The following MAGI3 variants were observed in gnomAD, a reference collection of about 807,000 sequenced individuals.
MAGI3 encodes membrane associated guanylate kinase, WW and PDZ domain containing 3.
A neutral mutation model predicts 121.8 loss-of-function variants in MAGI3; 43 were observed. That is an observed-to-expected ratio of 0.35 (90% confidence interval 0.28 to 0.46). The LOEUF is 0.46. MAGI3 is among the 20% of genes least tolerant of loss of function. MAGI3 has a pLI of 1.00. For synonymous variants in MAGI3, 553 were observed against 639.3 expected, an observed-to-expected ratio of 0.86 and a Z score of 2.04; for missense variants, 1,547 against 1,797.3, an observed-to-expected ratio of 0.86 and a Z score of 2.52.
At chr1:113,589,642 C>T (rs1018495252) in intron 4 of MAGI3, among the ~76,000 whole-genome samples, 3 of 152,002 alleles carry the variant, frequency 2.0e-5, no homozygotes, top group Non-Finnish European at 4.4e-5. Context: ...AGTTGAAATA[C>T]TATAGAGAAG....
At chr1:113,553,673 C>CA (rs938850090) in intron 2 of MAGI3, among the ~76,000 whole-genome samples, 7 of 151,746 alleles carry the variant, frequency 4.6e-5, no homozygotes, top group African/African-American at 1.7e-4. Context: ...TAACTGCTAG[C>CA]AAAAAAGGAA....
intron 1 of MAGI3, among the ~76,000 whole-genome samples, chr1:113,425,273 ATTTTTTTTTTT>A (rs949045641): frequency 3.5e-5 from 3 of 86,862 alleles, no homozygotes; most frequent in Non-Finnish European, 4.5e-5. Flanking sequence ...TACAAATTCA[ATTTTTTTTTTT>A]TTTTTTTTTT....
At chr1:113,411,784 TA>T (rs773303503) in intron 1 of MAGI3, among the ~76,000 whole-genome samples, 7 of 152,028 alleles carry the variant, frequency 4.6e-5, no homozygotes, top group Non-Finnish European at 1.0e-4. Flanking sequence ...CAAGGAAAGT[TA>T]AAATCAATTA....
intron 1 of MAGI3, among the ~76,000 whole-genome samples, chr1:113,541,396 T>C (rs942956950): frequency 1.3e-5 from 2 of 152,210 alleles, no homozygotes; most frequent in Non-Finnish European, 2.9e-5. Context: ...ATAACATTGC[T>C]TCATTGCTTT....
rs929383536 is a variant in MAGI3, at chr1:113,672,718, G to A, written c.3022G>A (p.Val1008Ile). The A allele has an allele frequency of 1.2e-6, 2 of 1,612,956 alleles. No individual in the cohort carries two copies. The highest frequency in any genetic ancestry group is 2.2e-5 in the East Asian group (1 of 44,762). The change falls in exon 18 of 21, where the codon GTT (valine) becomes ATT (isoleucine). Residue 1008 changes from valine (V) to isoleucine (I), a missense_variant. Coordinates refer to ENST00000307546, the MANE Select transcript of MAGI3 (RefSeq NM_001142782.2). ...LAQPDTAVIS[V>I]VGSRHNQNLG... ...ACAGCCTGACACCGCAGTAATTTCAGTTGTAGGCAGTCGGCACAATCAGGT... is the reference window on the plus strand; with the variant it reads ...ACAGCCTGACACCGCAGTAATTTCAATTGTAGGCAGTCGGCACAATCAGGT...
At chr1:113,631,189 A>T (rs185826500) in intron 9 of MAGI3, among the ~76,000 whole-genome samples, 1 of 152,082 alleles carries the variant, frequency 6.6e-6, no homozygotes, top group Admixed American at 6.5e-5. Context: ...TGCAGGGAGG[A>T]TGGGGGAGTG....
Position 113,415,999 on chromosome 1 carries a change from T to G in MAGI3, c.316+24650T>G, listed in dbSNP as rs1352571633. ...CATTTATATATATTAATTATATAAT[T>G]AATTACATATATTAATTATGTAATT... is the stretch of plus-strand genomic sequence containing the variant. On this transcript the variant is annotated intron_variant, in intron 1 of 20. Coordinates refer to ENST00000307546, the MANE Select transcript of MAGI3 (RefSeq NM_001142782.2). Among the ~76,000 whole-genome samples the G allele has an allele frequency of 3.4e-5, 3 of 88,076 alleles. No individual in the cohort carries two copies. In the Admixed American group the frequency reaches 3.9e-4, roughly 11 times the overall value. 57.8% of individuals were successfully genotyped at this position (88,076 alleles called of 152,430 possible). A position where few individuals can be genotyped will look rare whatever the true frequency, so the allele number is the denominator to read the frequency against.
At chr1:113,549,363 G>T in intron 1 of MAGI3, 152 bp from the exon 2 acceptor site, 1 of 485,326 alleles carries the variant, frequency 2.1e-6, no homozygotes, top group Non-Finnish European at 3.7e-6. Flanking sequence ...AAATAATTTG[G>T]TGTTCTTTTC....
intron 1 of MAGI3, among the ~76,000 whole-genome samples, chr1:113,513,159 C>T (rs1657703350): frequency 6.6e-6 from 1 of 152,312 alleles, no homozygotes; most frequent in Non-Finnish European, 1.5e-5. Context: ...ATTCCATGCT[C>T]ATGGGTAGGA....
intron 1 of MAGI3, among the ~76,000 whole-genome samples, chr1:113,394,188 T>C (rs1385345836): frequency 1.3e-5 from 2 of 152,188 alleles, no homozygotes; most frequent in Non-Finnish European, 2.9e-5. Context: ...TTTTTTTCCC[T>C]TTTTTTGTTG....
intron 1 of MAGI3, among the ~76,000 whole-genome samples, chr1:113,425,307 G>GA (rs1479480455): frequency 2.4e-5 from 3 of 124,372 alleles, no homozygotes; most frequent in African/African-American, 9.2e-5. Context: ...TTTTGAGACG[G>GA]AGCCTTGCTC....
chr1:113,514,055 C>A (rs1657758641), intron 1 of MAGI3, among the ~76,000 whole-genome samples: 1 of 151,936 alleles, frequency 6.6e-6, no homozygotes, highest in South Asian at 2.1e-4. Context: ...CAGAGAAATG[C>A]AAATCAAAAC....
At chr1:113,523,230 A>G (rs759917467) in intron 1 of MAGI3, among the ~76,000 whole-genome samples, 74 of 152,340 alleles carry the variant, frequency 4.9e-4, no homozygotes, top group Middle Eastern at 6.8e-3. Context: ...TAAATTGCCC[A>G]GTCTCTGGTA....
At chr1:113,439,015 A>G (rs954808708) in intron 1 of MAGI3, among the ~76,000 whole-genome samples, 1 of 152,214 alleles carries the variant, frequency 6.6e-6, no homozygotes, top group African/African-American at 2.4e-5. Context: ...AATTGCCAGC[A>G]TCACTATTCT....
chr1:113,550,868 T>G (rs940708441), intron 2 of MAGI3, among the ~76,000 whole-genome samples: 1 of 151,292 alleles, frequency 6.6e-6, no homozygotes, highest in Non-Finnish European at 1.5e-5. Context: ...TAAGAAGACT[T>G]TTTAGCTCCC....
Position 113,399,747 on chromosome 1 carries a change from G to A in MAGI3, c.316+8398G>A, listed in dbSNP as rs572118646. Among the ~76,000 whole-genome samples the A allele has an allele frequency of 2.8e-4, 43 of 152,030 alleles. No homozygotes were observed. The South Asian group carries it at 8.1e-3, about 29-fold the overall frequency. ...CTAAAATCAATGCTGTTGATTTTTA[G>A]GGAGATGGAATACTTTGGAAGATTA... On this transcript the variant is annotated intron_variant, in intron 1 of 20. Transcript: ENST00000307546.
intron 1 of MAGI3, among the ~76,000 whole-genome samples, chr1:113,412,120 GTGTTTGGTT>G (rs923817870): frequency 6.8e-6 from 1 of 148,056 alleles, no homozygotes; most frequent in Non-Finnish European, 1.5e-5. Flanking sequence ...AGAACATGCA[GTGTTTGGTT>G]TTCTGTCCTT....
intron 1 of MAGI3, among the ~76,000 whole-genome samples, chr1:113,427,143 TG>T (rs1653053586): frequency 6.6e-6 from 1 of 152,200 alleles, no homozygotes; most frequent in Admixed American, 6.5e-5. Context: ...TATTTTGATC[TG>T]TGAAGTTTAT....
At chr1:113,644,228 T>A (rs1348289503) in intron 11 of MAGI3, among the ~76,000 whole-genome samples, 1 of 152,180 alleles carries the variant, frequency 6.6e-6, no homozygotes, top group African/African-American at 2.4e-5. Context: ...CTTTAGATAA[T>A]CTTCTTACTT....
Sources: allele counts gnomAD v4.1 joint callset (sites outside exome capture counted in the v4.1 genomes callset), GRCh38; gene constraint gnomAD v4.1.1; transcripts MANE v1.5; gene names NCBI Gene and HGNC (gene_info 2026-07-23, HGNC 2026-07-21).